The following ASTN2 variants were observed in gnomAD, a reference collection of about 807,000 sequenced individuals.
ASTN2 encodes astrotactin-2.
A neutral mutation model predicts 139.8 loss-of-function variants in ASTN2; 54 were observed. The observed-to-expected ratio is 0.39, with a 90% CI of 0.31 to 0.48. The LOEUF (loss-of-function observed/expected upper bound fraction) is 0.48. Among genes scored for constraint, ASTN2 ranks in the 20% least tolerant of loss-of-function variants. ASTN2 has a pLI of 0.95. For missense variants in ASTN2, 1,565 were observed against 1,725.1 expected (o/e 0.91, Z 1.64); for synonymous variants, 756 against 719.5 (o/e 1.05, Z -0.81).
At chr9:117,158,018 C>T (rs1027185647) in intron 3 of ASTN2, among the ~76,000 whole-genome samples, 3 of 151,988 alleles carry the variant, frequency 2.0e-5, no homozygotes, top group Non-Finnish European at 4.4e-5. Context: ...TAGCACAGTG[C>T]CAGTAACTGT....
At chr9:116,472,015 C>T (rs752609786) in intron 20 of ASTN2, among the ~76,000 whole-genome samples, 1 of 152,128 alleles carries the variant, frequency 6.6e-6, no homozygotes, top group Non-Finnish European at 1.5e-5. Flanking sequence ...CCTTTCCAGC[C>T]CCCTGCATGG....
At chr9:117,133,416 T>G (rs968206806) in intron 4 of ASTN2, among the ~76,000 whole-genome samples, 2 of 152,188 alleles carry the variant, frequency 1.3e-5, no homozygotes, top group Non-Finnish European at 2.9e-5. Flanking sequence ...TCTGTCTGAC[T>G]CCAGACCCTG....
At chr9:116,768,298 G>A (rs1406804017) in intron 13 of ASTN2, among the ~76,000 whole-genome samples, 4 of 140,542 alleles carry the variant, frequency 2.8e-5, no homozygotes. Context: ...CCTCCAATTT[G>A]CCAAAACTGC....
intron 19 of ASTN2, among the ~76,000 whole-genome samples, chr9:116,490,532 T>C (rs1286001609): frequency 6.6e-6 from 1 of 152,118 alleles, no homozygotes; most frequent in Non-Finnish European, 1.5e-5. Context: ...CACATTGCTA[T>C]GAAGAAATAC....
chr9:116,572,296 C>T (rs1042546832), intron 19 of ASTN2, among the ~76,000 whole-genome samples: 4 of 152,212 alleles, frequency 2.6e-5, no homozygotes, highest in African/African-American at 9.6e-5. Context: ...CCGCCTTCCC[C>T]AGGGCCTGCC....
chr9:116,645,324 T>A (rs961587889), intron 17 of ASTN2, among the ~76,000 whole-genome samples: 1 of 152,106 alleles, frequency 6.6e-6, no homozygotes, highest in African/African-American at 2.4e-5. Flanking sequence ...AGGGAGGAGA[T>A]TTATGCATTA....
chr9:116,531,979 C>T (rs988956406), intron 19 of ASTN2, among the ~76,000 whole-genome samples: 3 of 152,186 alleles, frequency 2.0e-5, no homozygotes, highest in Admixed American at 6.5e-5. Context: ...TACTGTCCCA[C>T]CAACAGTGTA....
chr9:116,803,497 TATATATATATATATATATATATA>T (rs1183622212), intron 13 of ASTN2, among the ~76,000 whole-genome samples: 14 of 7,338 alleles, frequency 1.9e-3, no homozygotes, highest in Non-Finnish European at 3.2e-3. Flanking sequence ...TATATATATA[TATATATATATATATATATATATA>T]TATTTTTTTT....
intron 19 of ASTN2, among the ~76,000 whole-genome samples, chr9:116,589,089 T>A (rs191078087): frequency 5.9e-4 from 90 of 152,310 alleles, no homozygotes; most frequent in African/African-American, 2.0e-3. Flanking sequence ...CTCTCCCCAC[T>A]AAATTATTTA....
At chr9:116,554,277 A>G (rs895022017) in intron 19 of ASTN2, among the ~76,000 whole-genome samples, 3 of 152,102 alleles carry the variant, frequency 2.0e-5, no homozygotes, top group Non-Finnish European at 4.4e-5. Context: ...ATGAGACCCT[A>G]TACGTGGAAG....
chr9:116,867,506 C>T (rs1199323475), intron 10 of ASTN2, among the ~76,000 whole-genome samples: 2 of 139,480 alleles, frequency 1.4e-5, no homozygotes, highest in Admixed American at 1.5e-4. Context: ...GCCAAGATCG[C>T]GCCACTGCAC....
chr9:117,028,952 T>G (rs1363993413), intron 6 of ASTN2, among the ~76,000 whole-genome samples: 1 of 152,128 alleles, frequency 6.6e-6, no homozygotes, highest in Non-Finnish European at 1.5e-5. Flanking sequence ...ATGAAGAAAC[T>G]GAGGCCTGAA....
At chr9:116,899,699 C>T (rs1466889151) in intron 10 of ASTN2, among the ~76,000 whole-genome samples, 1 of 152,168 alleles carries the variant, frequency 6.6e-6, no homozygotes, top group Non-Finnish European at 1.5e-5. Context: ...CAAAACCCAT[C>T]CTTGCTTGGA....
At chr9:117,369,731 A>G (rs1283018308) in intron 1 of ASTN2, among the ~76,000 whole-genome samples, 1 of 152,190 alleles carries the variant, frequency 6.6e-6, no homozygotes, top group Non-Finnish European at 1.5e-5. Context: ...AGAATAAATG[A>G]ACACATGAGT....
At chr9:116,641,647 A>G (rs1029927057) in intron 17 of ASTN2, among the ~76,000 whole-genome samples, 11 of 152,174 alleles carry the variant, frequency 7.2e-5, no homozygotes, top group African/African-American at 2.7e-4. Flanking sequence ...CCCATGGAAA[A>G]AAAATATTCT....
rs1364599749 is a variant in ASTN2, at chr9:117,355,568, G to A, written c.442+58929C>T. Among the ~76,000 whole-genome samples, 4 of 152,288 alleles carry A rather than the reference G, an allele frequency of 2.6e-5. No homozygotes were observed. The East Asian group carries it at 5.8e-4, about 22-fold the overall frequency. On this transcript the variant is annotated intron_variant, in intron 1 of 22. Coordinates refer to ENST00000313400, the MANE Select transcript of ASTN2 (RefSeq NM_001365068.1). Reference sequence around the variant, plus strand: ...GCTTAGCTCCCAGGCAAAGGCAGAAGGTGGGAGTGGAGGCTGAGGGGCTGC... The same window carrying A: ...GCTTAGCTCCCAGGCAAAGGCAGAAAGTGGGAGTGGAGGCTGAGGGGCTGC...
At chr9:116,846,193 G>A (rs1013887819) in intron 11 of ASTN2, among the ~76,000 whole-genome samples, 2 of 152,140 alleles carry the variant, frequency 1.3e-5, no homozygotes, top group Non-Finnish European at 2.9e-5. Flanking sequence ...TGGTTGCCAG[G>A]GGCTGGGGGA....
intron 11 of ASTN2, among the ~76,000 whole-genome samples, chr9:116,860,885 G>A (rs150819943): frequency 6.6e-6 from 1 of 152,324 alleles, no homozygotes; most frequent in East Asian, 1.9e-4. Flanking sequence ...CTGAAGGAAT[G>A]TCTTAGAAGG....
chr9:116,791,960 T>C (rs2132224435), intron 13 of ASTN2, among the ~76,000 whole-genome samples: 1 of 152,326 alleles, frequency 6.6e-6, no homozygotes, highest in Non-Finnish European at 1.5e-5. Context: ...TAGAGACACA[T>C]TTTTAGGTTA....
Sources: allele counts gnomAD v4.1 joint callset (sites outside exome capture counted in the v4.1 genomes callset), GRCh38; gene constraint gnomAD v4.1.1; transcripts MANE v1.5; gene names NCBI Gene and HGNC (gene_info 2026-07-23, HGNC 2026-07-21).